Variants in CDC14A observed in about 807,000 individuals in gnomAD.
CDC14A encodes the protein dual specificity protein phosphatase CDC14A.
In CDC14A, 53 loss-of-function variants were observed where a neutral mutation model predicts 74.4. The observed-to-expected ratio is 0.71, with a 90% confidence interval of 0.57 to 0.89. The LOEUF (loss-of-function observed/expected upper bound fraction) is 0.89, where lower values mean the gene tolerates loss of function less well. Ranked by LOEUF, CDC14A falls within the 40% of genes least tolerant of loss-of-function variation. CDC14A has a pLI of 0.00. For missense variants in CDC14A, 646 were observed against 713.7 expected, an observed-to-expected ratio of 0.91 and a Z score of 1.08; for synonymous variants, 247 against 258.4, an observed-to-expected ratio of 0.96 and a Z score of 0.43.
intron 4 of CDC14A, among the ~76,000 whole-genome samples, chr1:100,420,055 CA>C (rs1662112083): frequency 5.2e-4 from 11 of 21,024 alleles, no homozygotes; most frequent in African/African-American, 1.9e-3. Context: ...CACACACACA[CA>C]CACACACATA....
chr1:100,429,745 TTA>T (rs35770223), intron 5 of CDC14A, among the ~76,000 whole-genome samples: 4,096 of 144,310 alleles, frequency 0.028, 151 homozygotes, highest in African/African-American at 0.083. Flanking sequence ...TCAAGTATAT[TTA>T]TATATATATT....
At chr1:100,351,851 C>G, upstream of CDC14A, 4 of 1,471,532 alleles carry the variant, frequency 2.7e-6, no homozygotes, top group African/African-American at 4.2e-5. Context: ...GAGCTAGGAG[C>G]TGGTGCTTCT....
At chr1:100,429,206 A>AAAATAAATAAATAAATAAAT (rs10529924) in intron 5 of CDC14A, among the ~76,000 whole-genome samples, 31,474 of 113,054 alleles carry the variant, frequency 0.28, 4,139 homozygotes, top group East Asian at 0.44. Context: ...TCCATCTCAA[A>AAAATAAATAAATAAATAAAT]AAATAAATAA....
chr1:100,464,824 T>A (rs1386735883), intron 9 of CDC14A, among the ~76,000 whole-genome samples: 1 of 152,204 alleles, frequency 6.6e-6, no homozygotes, highest in Non-Finnish European at 1.5e-5. Context: ...TGTTAAACAT[T>A]CTTATTACAG....
chr1:100,459,126 C>CACACACACACACACACACACAG (rs1279905046), intron 8 of CDC14A, among the ~76,000 whole-genome samples: 7 of 144,572 alleles, frequency 4.8e-5, no homozygotes, highest in African/African-American at 1.6e-4. Context: ...CACACACACA[C>CACACACACACACACACACACAG]AGAGAGAGAG....
intron 7 of CDC14A, among the ~76,000 whole-genome samples, chr1:100,443,852 C>A (rs1665233113): frequency 6.6e-6 from 1 of 152,062 alleles, no homozygotes. Flanking sequence ...GTCTAGAAGT[C>A]ATTAACTTTT....
chr1:100,494,990 C>A, intron 12 of CDC14A, 60 bp downstream of exon 12: 1 of 839,208 alleles, frequency 1.2e-6, no homozygotes, highest in Non-Finnish European at 2.0e-6. Context: ...TAGAACATTT[C>A]ATCTTCTCTT....
chr1:100,467,766 AC>A (rs1667994621), intron 9 of CDC14A, among the ~76,000 whole-genome samples, 189 bp from the exon 10 acceptor site: 1 of 152,130 alleles, frequency 6.6e-6, no homozygotes, highest in Non-Finnish European at 1.5e-5. Flanking sequence ...AATCTATGGC[AC>A]CTTCATTTTG....
At chr1:100,422,796 T>G (rs1012116434) in intron 4 of CDC14A, among the ~76,000 whole-genome samples, 15 of 152,232 alleles carry the variant, frequency 9.9e-5, no homozygotes, top group Non-Finnish European at 2.1e-4. Flanking sequence ...CTATTTATTT[T>G]ATTTTTCTTT....
At chr1:100,417,613 T>C (rs1213124563) in intron 4 of CDC14A, among the ~76,000 whole-genome samples, 1 of 152,232 alleles carries the variant, frequency 6.6e-6, no homozygotes, top group Non-Finnish European at 1.5e-5. Context: ...CTAGAGCTTT[T>C]ATTTTTTAAA....
At chr1:100,392,568 C>G (rs1459233656) in intron 4 of CDC14A, among the ~76,000 whole-genome samples, 1 of 151,850 alleles carries the variant, frequency 6.6e-6, no homozygotes, top group Non-Finnish European at 1.5e-5. Context: ...TAGCAGTTAT[C>G]TATGATGATG....
At chr1:100,415,418 A>G (rs1398785061) in intron 4 of CDC14A, among the ~76,000 whole-genome samples, 2 of 152,200 alleles carry the variant, frequency 1.3e-5, no homozygotes, top group Non-Finnish European at 2.9e-5. Context: ...TGAGGATTCA[A>G]ATACTGAAAA....
chr1:100,377,111 C>T (rs559235840), intron 2 of CDC14A, among the ~76,000 whole-genome samples: 29 of 151,754 alleles, frequency 1.9e-4, no homozygotes, highest in Middle Eastern at 3.4e-3. Context: ...TCTGGCTCAC[C>T]GCAACCTCCA....
At position 100,352,908 on chromosome 1, in the gene CDC14A, T is replaced by C. The variant is rs594529; in HGVS notation, c.-47T>C. On this transcript the variant is annotated 5_prime_UTR_variant, in exon 1 of 16. Transcript: ENST00000336454. The stretch of plus-strand genomic sequence containing the variant: ...GGGGAAGCCCCCGGGGGCGAGTGAC[T>C]TCAGCTGGCCACGACCCAGCCCTCC... The C allele has an allele frequency of 0.98, 1,579,619 of 1,612,912 alleles. 773,575 individuals are homozygous for C. The highest frequency in any genetic ancestry group is 1 in the African/African-American group (74,724 of 75,026).
chr1:100,445,056 TGTA>T (rs773692586), intron 7 of CDC14A, among the ~76,000 whole-genome samples: 1 of 152,226 alleles, frequency 6.6e-6, no homozygotes, highest in Non-Finnish European at 1.5e-5. Context: ...TCAGATAACT[TGTA>T]GTACATCTGA....
intron 15 of CDC14A, chr1:100,504,797 G>T (rs1293879828): frequency 2.0e-5 from 31 of 1,530,940 alleles, no homozygotes; most frequent in Non-Finnish European, 2.7e-5. Context: ...TTATTCTCTT[G>T]TTTTCTTCTC....
chr1:100,390,936 T>C (rs1285031498), intron 4 of CDC14A, 112 bp downstream of exon 4: 2 of 760,774 alleles, frequency 2.6e-6, no homozygotes, highest in Middle Eastern at 2.2e-4. Flanking sequence ...TGGAGATTAT[T>C]AGCAGTTTGG....
At chr1:100,481,695 C>T (rs1470910924) in intron 10 of CDC14A, among the ~76,000 whole-genome samples, 3 of 152,186 alleles carry the variant, frequency 2.0e-5, no homozygotes, top group Admixed American at 6.5e-5. Context: ...AGGCTCTATT[C>T]AAACCAAGAC....
At chr1:100,466,000 T>C (rs1186471069) in intron 9 of CDC14A, among the ~76,000 whole-genome samples, 3 of 152,206 alleles carry the variant, frequency 2.0e-5, no homozygotes, top group Non-Finnish European at 4.4e-5. Context: ...TCCTATTCAG[T>C]TCAGTTGTGG....
Sources: gnomAD v4.1 joint callset for allele counts (sites outside exome capture counted in the v4.1 genomes callset) on GRCh38, gnomAD v4.1.1 for gene constraint, MANE v1.5 for transcripts, NCBI Gene and HGNC (gene_info 2026-07-23, HGNC 2026-07-21) for gene names.